KALRN: variants seen among roughly 807,000 people sequenced by gnomAD.
The protein encoded by KALRN is kalirin.
KALRN carries 70 observed loss-of-function variants against 353.7 expected under a neutral mutation model. The observed-to-expected ratio is 0.20, with a 90% confidence interval of 0.16 to 0.24. The LOEUF is 0.24. Among genes scored for constraint, KALRN ranks in the 10% least tolerant of loss-of-function variants. The pLI, the probability that KALRN is intolerant of heterozygous loss-of-function variation, is 1.00. For synonymous variants in KALRN, 1,391 were observed against 1,434.8 expected (o/e 0.97, Z 0.69); for missense variants, 2,791 against 3,756.7 (o/e 0.74, Z 6.72).
intron 34 of KALRN, among the ~76,000 whole-genome samples, chr3:124,609,709 A>G (rs1428967543): frequency 6.6e-6 from 1 of 152,238 alleles, no homozygotes; most frequent in Non-Finnish European, 1.5e-5. Context: ...CCTCACAGCC[A>G]TTGCTGTATT....
chr3:124,156,665 T>C (rs1364261102), intron 1 of KALRN, among the ~76,000 whole-genome samples: 1 of 152,192 alleles, frequency 6.6e-6, no homozygotes, highest in Non-Finnish European at 1.5e-5. Flanking sequence ...GGATCTGCCA[T>C]TGAGCTCAGG....
At chr3:124,605,341 G>A (rs536701956) in intron 34 of KALRN, among the ~76,000 whole-genome samples, 23 of 151,810 alleles carry the variant, frequency 1.5e-4, no homozygotes, top group Non-Finnish European at 3.1e-4. Context: ...GAGGCTAAGA[G>A]GCAGGTGGAT....
At chr3:124,061,084 A>T (rs1009362576) in intron 1 of KALRN, among the ~76,000 whole-genome samples, 4 of 152,216 alleles carry the variant, frequency 2.6e-5, no homozygotes, top group Admixed American at 2.0e-4. Flanking sequence ...TCCCAAACAC[A>T]GGGCCTTCTG....
intron 34 of KALRN, among the ~76,000 whole-genome samples, chr3:124,609,416 T>C (rs979270992): frequency 2.6e-5 from 4 of 152,164 alleles, no homozygotes; most frequent in African/African-American, 9.7e-5. Context: ...TTTGTGGAAG[T>C]CCTAAGTATG....
rs61740058 is a variant in KALRN at position 124,482,852 on chromosome 3, C to T, written c.4236C>T (p.Tyr1412=). 0.033 allele frequency: 53,797 copies of T among 1,613,112 alleles called. 1,111 individuals carry two copies. The highest frequency in any genetic ancestry group is 0.041 in the Non-Finnish European group (47,814 of 1,179,032). ...RHGLANSISS[Y]LIKPVQRITK... is the part of the protein sequence containing the mutation. ...GTCTGGCCAACTCCATCTCTTCCTA[C>T]CTAATTAAGCCTGTCCAAAGGATCA... The change falls in exon 28 of 60, where the codon TAC becomes TAT. Residue 1412 remains tyrosine, a synonymous_variant. Transcript: ENST00000682506.
intron 34 of KALRN, among the ~76,000 whole-genome samples, chr3:124,585,883 T>C (rs1282624591): frequency 2.0e-5 from 3 of 152,216 alleles, no homozygotes; most frequent in African/African-American, 4.8e-5. Flanking sequence ...TGCAAAATCC[T>C]AATGGAACTT....
intron 1 of KALRN, among the ~76,000 whole-genome samples, chr3:124,203,923 T>A (rs1200717362): frequency 6.6e-6 from 1 of 152,234 alleles, no homozygotes; most frequent in Non-Finnish European, 1.5e-5. Context: ...ATACAATATT[T>A]GCAGGATGTG....
At chr3:124,600,564 C>T (rs935579121) in intron 34 of KALRN, among the ~76,000 whole-genome samples, 5 of 151,956 alleles carry the variant, frequency 3.3e-5, no homozygotes, top group African/African-American at 4.8e-5. Flanking sequence ...TAGTTTGTAA[C>T]GTTTAACTCA....
At position 124,441,996 on chromosome 3, in the gene KALRN, A is replaced by C. The variant is rs767072692; in HGVS notation, c.3250A>C (p.Arg1084=). The change falls in exon 19 of 60, where the codon AGG becomes CGG. Residue 1084 remains arginine (R), a synonymous_variant. Coordinates refer to ENST00000682506, the MANE Select transcript of KALRN (RefSeq NM_001388419.1). ...NAEVFLKYIH[R]NNVSMPSVAS... is the part of the protein sequence containing the mutation. ...TGAGGTGTTTCTCAAGTACATCCAC[A>C]GGAACAACGTCAGCATGCCCAGTGT... 6.2e-7 allele frequency: 1 copy of C among 1,607,258 alleles called. No homozygotes were observed.
chr3:124,676,540 C>T (rs333350), intron 49 of KALRN, among the ~76,000 whole-genome samples: 111,238 of 152,114 alleles, frequency 0.73, 42,214 homozygotes, highest in African/African-American at 0.93. Flanking sequence ...ACCAAGCCTG[C>T]CCTGCCATTT....
At chr3:124,330,558 A>C (rs1040483037) in intron 8 of KALRN, among the ~76,000 whole-genome samples, 1 of 152,244 alleles carries the variant, frequency 6.6e-6, no homozygotes, top group Admixed American at 6.5e-5. Flanking sequence ...AGACTCTTCC[A>C]TTGAAAAATC....
chr3:124,202,246 T>C (rs1292773076), intron 1 of KALRN, among the ~76,000 whole-genome samples: 4 of 152,026 alleles, frequency 2.6e-5, no homozygotes, highest in Non-Finnish European at 5.9e-5. Context: ...TCACTTTAGT[T>C]TTTTTGTTTG....
At chr3:124,280,316 G>C (rs1355938586) in intron 5 of KALRN, among the ~76,000 whole-genome samples, 1 of 152,072 alleles carries the variant, frequency 6.6e-6, no homozygotes. Flanking sequence ...CTTCCAGCAG[G>C]CCAGAATCTA....
rs79962001 is a variant in KALRN, at chr3:124,065,333, A to G, written c.73+31520A>G. Among the ~76,000 whole-genome samples the G allele has an allele frequency of 2.6e-4, 39 of 152,234 alleles. 1 individual carries two copies. The East Asian group carries it at 7.0e-3, about 27-fold the overall frequency. ...ATGTGTGAATTCAGAAGGGTTACATATTTTGGGGATGAAGTTAGGGAAATT... is the reference window on the plus strand; with the variant it reads ...ATGTGTGAATTCAGAAGGGTTACATGTTTTGGGGATGAAGTTAGGGAAATT... On this transcript the variant is annotated intron_variant, in intron 1 of 59. Transcript: ENST00000682506.
At chr3:124,330,246 T>TCACACACA (rs774251256) in intron 8 of KALRN, among the ~76,000 whole-genome samples, 4,228 of 134,236 alleles carry the variant, frequency 0.031, 72 homozygotes, top group Non-Finnish European at 0.035. Context: ...TCTCTCTCTC[T>TCACACACA]CACACACACA....
At chr3:124,069,790 G>A (rs1013221947) in intron 1 of KALRN, among the ~76,000 whole-genome samples, 1 of 152,170 alleles carries the variant, frequency 6.6e-6, no homozygotes, top group Non-Finnish European at 1.5e-5. Flanking sequence ...GAAGCTCAGA[G>A]GAAAGGGAGG....
chr3:124,440,724 G>C (rs1459320673), intron 18 of KALRN, among the ~76,000 whole-genome samples: 1 of 151,758 alleles, frequency 6.6e-6, no homozygotes, highest in East Asian at 1.9e-4. Flanking sequence ...AAAGAAAAAT[G>C]AAATAAAATT....
intron 52 of KALRN, among the ~76,000 whole-genome samples, 180 bp downstream of exon 52, chr3:124,694,011 G>A (rs1373419362): frequency 6.6e-6 from 1 of 152,166 alleles, no homozygotes; most frequent in Non-Finnish European, 1.5e-5. Flanking sequence ...TGTATAATGG[G>A]ATCCAAGTTT....
At chr3:124,626,892 A>G (rs767749657) in intron 34 of KALRN, among the ~76,000 whole-genome samples, 12 of 152,222 alleles carry the variant, frequency 7.9e-5, no homozygotes, top group African/African-American at 2.7e-4. Flanking sequence ...GCCAGTCACT[A>G]TGAGCCTCAG....
Sources: gnomAD v4.1 joint callset for allele counts (sites outside exome capture counted in the v4.1 genomes callset) on GRCh38, gnomAD v4.1.1 for gene constraint, MANE v1.5 for transcripts, NCBI Gene and HGNC (gene_info 2026-07-23, HGNC 2026-07-21) for gene names.